CTNND2: variants seen among roughly 807,000 people sequenced by gnomAD.
CTNND2 encodes the protein catenin delta-2.
In CTNND2, 22 loss-of-function variants were observed where a neutral mutation model predicts 144.4. The observed-to-expected ratio is 0.15, with a 90% CI of 0.11 to 0.22. The LOEUF (loss-of-function observed/expected upper bound fraction) is 0.22, where lower values mean the gene tolerates loss of function less well. Ranked by LOEUF, CTNND2 falls within the 10% of genes least tolerant of loss-of-function variation. The pLI is 1.00. For synonymous variants in CTNND2, 751 were observed against 695.6 expected (o/e 1.08, Z -1.25); for missense variants, 1,353 against 1,618.8 (o/e 0.84, Z 2.82).
At chr5:11,740,171 C>A (rs1787920713) in intron 1 of CTNND2, among the ~76,000 whole-genome samples, 1 of 152,118 alleles carries the variant, frequency 6.6e-6, no homozygotes, top group Non-Finnish European at 1.5e-5. Flanking sequence ...ACTTTCTTCA[C>A]AGAATTGGAA....
chr5:11,561,840 G>A (rs969705458), intron 3 of CTNND2, among the ~76,000 whole-genome samples: 3 of 152,052 alleles, frequency 2.0e-5, no homozygotes, highest in African/African-American at 7.2e-5. Context: ...TCAGGAGTTC[G>A]AGACCAGCCT....
chr5:11,669,064 G>A (rs1045975036), intron 2 of CTNND2, among the ~76,000 whole-genome samples: 4 of 152,144 alleles, frequency 2.6e-5, no homozygotes, highest in Non-Finnish European at 4.4e-5. Context: ...GATGGATTAT[G>A]TTTATTGATT....
At chr5:11,734,254 C>A (rs1008478484) in intron 1 of CTNND2, among the ~76,000 whole-genome samples, 5 of 152,206 alleles carry the variant, frequency 3.3e-5, no homozygotes, top group Non-Finnish European at 5.9e-5. Context: ...CACCTCTCTC[C>A]ATGTCCAATG....
chr5:11,057,293 TG>T (rs1746437263), intron 16 of CTNND2, among the ~76,000 whole-genome samples: 1 of 152,204 alleles, frequency 6.6e-6, no homozygotes, highest in Non-Finnish European at 1.5e-5. Flanking sequence ...AATCTCATCT[TG>T]AATTGTAACT....
intron 1 of CTNND2, among the ~76,000 whole-genome samples, chr5:11,848,272 T>C (rs1794840877): frequency 6.6e-6 from 1 of 152,138 alleles, no homozygotes; most frequent in Non-Finnish European, 1.5e-5. Flanking sequence ...GATAAAGACA[T>C]ACAGTTTCAA....
chr5:11,040,059 C>T (rs1383644975), intron 16 of CTNND2, among the ~76,000 whole-genome samples: 2 of 151,764 alleles, frequency 1.3e-5, no homozygotes, highest in African/African-American at 4.8e-5. Context: ...TGAACTCTGT[C>T]TCAAAAAAGC....
intron 10 of CTNND2, among the ~76,000 whole-genome samples, chr5:11,233,866 C>T (rs1741325365): frequency 6.6e-6 from 1 of 152,136 alleles, no homozygotes; most frequent in Non-Finnish European, 1.5e-5. Context: ...GTTCCTTTGG[C>T]TAACACTTAC....
At chr5:11,249,800 C>A (rs946860533) in intron 9 of CTNND2, among the ~76,000 whole-genome samples, 8 of 151,036 alleles carry the variant, frequency 5.3e-5, no homozygotes, top group African/African-American at 9.7e-5. Flanking sequence ...AAAAAAAAAA[C>A]CAAAAATCTA....
intron 1 of CTNND2, among the ~76,000 whole-genome samples, chr5:11,901,790 G>A (rs1476503007): frequency 1.3e-5 from 2 of 152,032 alleles, no homozygotes; most frequent in Non-Finnish European, 2.9e-5. Flanking sequence ...CCCATCGGCC[G>A]CTCTGGGTAC....
chr5:11,656,690 G>A (rs1336528991), intron 2 of CTNND2, among the ~76,000 whole-genome samples: 1 of 152,088 alleles, frequency 6.6e-6, no homozygotes. Context: ...TGTTAATGCA[G>A]AGCCACAAAA....
At chr5:11,886,128 G>C (rs1464148003) in intron 1 of CTNND2, among the ~76,000 whole-genome samples, 1 of 151,752 alleles carries the variant, frequency 6.6e-6, no homozygotes, top group African/African-American at 2.4e-5. Context: ...AGAAAAGCAG[G>C]AATAAACCAA....
chr5:11,048,163 A>T (rs1745473578), intron 16 of CTNND2, among the ~76,000 whole-genome samples: 1 of 152,132 alleles, frequency 6.6e-6, no homozygotes, highest in African/African-American at 2.4e-5. Flanking sequence ...ACTGGCCTGG[A>T]TCAAGGTCCA....
intron 5 of CTNND2, among the ~76,000 whole-genome samples, chr5:11,408,314 A>C (rs748619945): frequency 1.3e-5 from 2 of 152,198 alleles, no homozygotes; most frequent in African/African-American, 4.8e-5. Context: ...AACACTTAAA[A>C]TTCGCAATAT....
At chr5:11,508,402 G>C (rs1393267208) in intron 3 of CTNND2, 1 of 152,196 alleles carries the variant, frequency 6.6e-6, no homozygotes, top group African/African-American at 2.4e-5. Context: ...TGAAACAACA[G>C]ATGTAGAGGT....
chr5:11,461,077 C>T (rs1343497571), intron 3 of CTNND2, among the ~76,000 whole-genome samples: 5 of 151,828 alleles, frequency 3.3e-5, no homozygotes, highest in Non-Finnish European at 5.9e-5. Flanking sequence ...TCACTTTCCC[C>T]GCTAGTCCTG....
At chr5:10,989,787 A>G (rs1302548157) in intron 19 of CTNND2, among the ~76,000 whole-genome samples, 1 of 152,192 alleles carries the variant, frequency 6.6e-6, no homozygotes, top group Non-Finnish European at 1.5e-5. Context: ...AAGGAAATGG[A>G]TGTCCAAATA....
intron 3 of CTNND2, among the ~76,000 whole-genome samples, chr5:11,530,295 T>C (rs1206894901): frequency 3.3e-5 from 5 of 151,766 alleles, no homozygotes; most frequent in African/African-American, 9.7e-5. Context: ...TGGGTAGGAG[T>C]TGAATAATCC....
rs76086642 is a variant in CTNND2, at chr5:11,434,979, G to A, written c.288-22910C>T. Among the ~76,000 whole-genome samples the A allele has an allele frequency of 1.4e-4, 21 of 152,114 alleles. No individual in the cohort carries two copies. The East Asian group carries it at 3.1e-3, about 22-fold the overall frequency. ...ACAAACAATAATTGAAAAAATGCACGAGGTTGTTTTTCTCCAATAATAATC... is the reference window on the plus strand; with the variant it reads ...ACAAACAATAATTGAAAAAATGCACAAGGTTGTTTTTCTCCAATAATAATC... On this transcript the variant is annotated intron_variant, in intron 3 of 21. Coordinates refer to ENST00000304623, the MANE Select transcript of CTNND2 (RefSeq NM_001332.4).
intron 2 of CTNND2, among the ~76,000 whole-genome samples, chr5:11,727,336 T>C (rs1167561802): frequency 2.0e-5 from 3 of 152,188 alleles, no homozygotes; most frequent in Admixed American, 6.5e-5. Context: ...CCTGTACGTA[T>C]GAAACTCACA....
Sources: gnomAD v4.1 joint callset for allele counts (sites outside exome capture counted in the v4.1 genomes callset) on GRCh38, gnomAD v4.1.1 for gene constraint, MANE v1.5 for transcripts, NCBI Gene and HGNC (gene_info 2026-07-23, HGNC 2026-07-21) for gene names.